The following GPI variants were observed in gnomAD, a reference collection of about 807,000 sequenced individuals.
The protein encoded by GPI is D-hexose-6-phosphate anomerase.
A neutral mutation model predicts 75.8 loss-of-function variants in GPI; 56 were observed. The observed-to-expected ratio is 0.74, with a 90% confidence interval of 0.60 to 0.92. The LOEUF (loss-of-function observed/expected upper bound fraction) is 0.92. GPI is among the 40% of genes least tolerant of loss of function. GPI has a pLI of 0.00. For synonymous variants in GPI, 288 were observed against 285.4 expected (o/e 1.01, Z -0.09); for missense variants, 638 against 741.0 (o/e 0.86, Z 1.61).
chr19:34,384,904 A>G (rs1030670662), intron 9 of GPI, among the ~76,000 whole-genome samples: 1 of 151,902 alleles, frequency 6.6e-6, no homozygotes, highest in African/African-American at 2.4e-5. Context: ...TTAGCCAGGC[A>G]TGGTGGTGCA....
chr19:34,362,075 A>G (rs531771456), upstream of GPI, among the ~76,000 whole-genome samples: 45 of 145,394 alleles, frequency 3.1e-4, no homozygotes, highest in African/African-American at 1.1e-3. Flanking sequence ...AGATGGTGCC[A>G]CTGCACTCTG....
At position 34,400,560 on chromosome 19, in the gene GPI, C is replaced by T. The variant is rs965190876; in HGVS notation, c.*524C>T. 7 of 450,044 alleles carry T rather than the reference C, an allele frequency of 1.6e-5. No individual in the cohort carries two copies. The highest frequency in any genetic ancestry group is 1.4e-4 in the African/African-American group (7 of 50,174). The allele number at this position is 450,044 out of a possible 1,614,324, so 27.9% of individuals were successfully genotyped here. ...CCAAATCCCAAGACTGTTTTCCACT[C>T]CTCACCTCTGTGACTGCAGAAATTG... On this transcript the variant is annotated 3_prime_UTR_variant, in exon 18 of 18. Transcript: ENST00000356487.
At chr19:34,372,800 G>C (rs1224027136) in intron 4 of GPI, among the ~76,000 whole-genome samples, 1 of 152,062 alleles carries the variant, frequency 6.6e-6, no homozygotes, top group African/African-American at 2.4e-5. Flanking sequence ...TTGAGACAGA[G>C]TCTCTCTCTT....
intron 4 of GPI, among the ~76,000 whole-genome samples, chr19:34,376,940 C>G (rs1045092093): frequency 1.3e-5 from 2 of 151,850 alleles, no homozygotes; most frequent in Non-Finnish European, 2.9e-5. Context: ...GTAGTCCCAG[C>G]TACTCAGGAG....
At position 34,396,333 on chromosome 19, in the gene GPI, C is replaced by T. The variant is rs2074943835; in HGVS notation, c.1095C>T (p.Thr365=). Reference sequence around the variant, plus strand: ...TGGAGTCCAATGGGAAATACATCACCAAATCTGGAACCCGTGTGGACCACC... The same window carrying T: ...TGGAGTCCAATGGGAAATACATCACTAAATCTGGAACCCGTGTGGACCACC... ...GDMESNGKYI[T]KSGTRVDHQT... is the part of the protein sequence containing the mutation. Residue 365 remains threonine, a synonymous_variant, in exon 13 of 18, where the codon ACC becomes ACT. Transcript: ENST00000356487. 3 of 1,614,054 alleles carry T rather than the reference C, an allele frequency of 1.9e-6. No homozygotes were observed. The highest frequency in any genetic ancestry group is 2.5e-6 in the Non-Finnish European group (3 of 1,179,994).
rs202009325 is a variant in GPI at position 34,381,539 on chromosome 19, C to T, written c.804+20C>T. The T allele has an allele frequency of 4.0e-4, 626 of 1,556,532 alleles. 2 individuals carry two copies. Among genetic ancestry groups the T allele is most frequent in the Middle Eastern group, 6.7e-4 (4 of 5,944 alleles). ...TGGGATGTAAGTACAAGCACTTCTG[C>T]ACTGGGTGAATTAAGTGTCCTTTGC... is the stretch of plus-strand genomic sequence containing the variant. On this transcript the variant is annotated intron_variant, in intron 9 of 17. Coordinates refer to ENST00000356487, the MANE Select transcript of GPI (RefSeq NM_000175.5).
intron 1 of GPI, 194 bp downstream of exon 1, chr19:34,365,582 C>A: frequency 1.0e-6 from 1 of 958,270 alleles, no homozygotes; most frequent in Non-Finnish European, 1.6e-6. Context: ...GGGCTTGCAG[C>A]CTCGCCGGGA....
In GPI at chr19:34,379,985, G is replaced by GTTTTTTTT. The variant is rs1356302354; in HGVS notation, c.750+427_750+428insTTTTTTTT. The GTTTTTTTT allele has an allele frequency of 3.4e-3, 435 of 127,904 alleles. 64 individuals carry two copies. The highest frequency in any genetic ancestry group is 7.6e-3 in the Admixed American group (87 of 11,506). The allele number at this position is 127,904 out of a possible 1,614,324, so 7.9% of individuals were successfully genotyped here. On this transcript the variant is annotated intron_variant, in intron 8 of 17. Transcript: ENST00000356487. ...TTTTGCCCCCTACTTAGTGTGTGTG[G>GTTTTTTTT]TTTTGTTTTTTTTTTTTTTTTTTTT...
intron 9 of GPI, among the ~76,000 whole-genome samples, chr19:34,385,920 T>G (rs1345872377): frequency 6.6e-6 from 1 of 151,404 alleles, no homozygotes; most frequent in Non-Finnish European, 1.5e-5. Flanking sequence ...CAAACACAGG[T>G]AGGTAGAGAT....
At chr19:34,371,724 G>A (rs1022991088) in intron 4 of GPI, among the ~76,000 whole-genome samples, 4 of 151,524 alleles carry the variant, frequency 2.6e-5, no homozygotes, top group Non-Finnish European at 5.9e-5. Flanking sequence ...GCATGGTGGT[G>A]CATGCCTGTA....
In GPI at chr19:34,369,428, TGG is replaced by T. The variant is rs573830122; in HGVS notation, c.402+728_402+729del. Among the ~76,000 whole-genome samples, 9 of 152,130 alleles carry T rather than the reference TGG, an allele frequency of 5.9e-5. No homozygotes were observed. The South Asian group carries it at 1.2e-3, about 21-fold the overall frequency. On this transcript the variant is annotated intron_variant, in intron 4 of 17. Coordinates refer to ENST00000356487, the MANE Select transcript of GPI (RefSeq NM_000175.5). Reference sequence around the variant, plus strand: ...ATTGTAAAATTTCCTCAACCCTGGCTGGGCGCGATGGCTCATGCCTGTGATTC... The same window carrying T: ...ATTGTAAAATTTCCTCAACCCTGGCTGCGCGATGGCTCATGCCTGTGATTC...
intron 9 of GPI, among the ~76,000 whole-genome samples, chr19:34,385,052 A>AGCGGG (rs2074713037): frequency 6.7e-6 from 1 of 149,852 alleles, no homozygotes; most frequent in African/African-American, 2.5e-5. Context: ...AAAAAAAAAA[A>AGCGGG]GCGGGGGTTG....
rs986875483 is a variant in GPI, at chr19:34,383,877, G to A, written c.804+2358G>A. Among the ~76,000 whole-genome samples the A allele has an allele frequency of 2.0e-4, 31 of 152,190 alleles. 1 individual carries two copies. The highest frequency in any genetic ancestry group is 5.9e-5 in the Non-Finnish European group (4 of 68,024). On this transcript the variant is annotated intron_variant, in intron 9 of 17. Coordinates refer to ENST00000356487, the MANE Select transcript of GPI (RefSeq NM_000175.5). ...GGCTCTCACCAGGCTCCCTCAGGCC[G>A]AGGTCAGCAGCCAGGGATCTGTCAT...
upstream of GPI, among the ~76,000 whole-genome samples, chr19:34,362,956 G>A (rs185200746): frequency 8.2e-4 from 125 of 152,262 alleles, no homozygotes; most frequent in Admixed American, 2.0e-3. Flanking sequence ...AACAACAGCC[G>A]TCCATCTGGT....
At chr19:34,368,389 A>C (rs562623724) in intron 3 of GPI, among the ~76,000 whole-genome samples, 194 bp from the exon 4 acceptor site, 3 of 152,328 alleles carry the variant, frequency 2.0e-5, no homozygotes, top group African/African-American at 7.2e-5. Context: ...TGTCTGCAGC[A>C]CATAAGTCCT....
chr19:34,383,398 C>T (rs2074685013), intron 9 of GPI, among the ~76,000 whole-genome samples: 1 of 152,146 alleles, frequency 6.6e-6, no homozygotes, highest in African/African-American at 2.4e-5. Context: ...GTCAGCCGGG[C>T]TCTGTGGGAG....
At chr19:34,399,133 G>A (rs777555089) in intron 14 of GPI, 74 bp from the exon 15 acceptor site, 23 of 1,491,656 alleles carry the variant, frequency 1.5e-5, no homozygotes, top group Non-Finnish European at 2.1e-5. Context: ...CTGCTGAGAA[G>A]TACCAGGCGG....
At chr19:34,369,904 G>A (rs2074425862) in intron 4 of GPI, among the ~76,000 whole-genome samples, 1 of 152,162 alleles carries the variant, frequency 6.6e-6, no homozygotes, top group South Asian at 2.1e-4. Context: ...CAGCCTGGGC[G>A]ACAGCAAGAT....
Position 34,400,349 on chromosome 19 carries a change from A to ATT in GPI, c.*322_*323dup. On this transcript the variant is annotated 3_prime_UTR_variant, in exon 18 of 18. Transcript: ENST00000356487. The stretch of plus-strand genomic sequence containing the variant: ...GAGGAGGTTGTAGGCTCAGCCTCTG[A>ATT]TTTTTTTTTTCCTGTGATGGTGCTT... 1.9e-6 allele frequency: 1 copy of ATT among 538,370 alleles called. No individual in the cohort carries two copies. The allele number at this position is 538,370 out of a possible 1,614,324, so 33.3% of individuals were successfully genotyped here.
Sources: gnomAD v4.1 joint callset for allele counts (sites outside exome capture counted in the v4.1 genomes callset) on GRCh38, gnomAD v4.1.1 for gene constraint, MANE v1.5 for transcripts, NCBI Gene and HGNC (gene_info 2026-07-23, HGNC 2026-07-21) for gene names.